The following TAX1BP1 variants were observed in gnomAD, a reference collection of about 807,000 sequenced individuals.
The protein encoded by TAX1BP1 is Tax1 binding protein 1.
A neutral mutation model predicts 97.7 loss-of-function variants in TAX1BP1; 62 were observed. The observed-to-expected ratio is 0.63, with a 90% CI of 0.52 to 0.78. The LOEUF is 0.78. TAX1BP1 is among the 30% of genes least tolerant of loss of function. TAX1BP1 has a pLI of 0.00. For synonymous variants in TAX1BP1, 340 were observed against 304.2 expected (o/e 1.12, Z -1.23); for missense variants, 867 against 916.1 (o/e 0.95, Z 0.69).
intron 4 of TAX1BP1, 39 bp downstream of exon 4, chr7:27,766,060 T>C (rs1199432251): frequency 1.3e-6 from 2 of 1,579,912 alleles, no homozygotes; most frequent in South Asian, 1.1e-5. Flanking sequence ...ATTGATAATT[T>C]TAAGAACAGA....
At chr7:27,744,317 G>A (rs1479998485) in intron 1 of TAX1BP1, among the ~76,000 whole-genome samples, 4 of 151,944 alleles carry the variant, frequency 2.6e-5, no homozygotes, top group Admixed American at 2.0e-4. Flanking sequence ...AGTAGAGATG[G>A]GTTTTCACCG....
intron 8 of TAX1BP1, among the ~76,000 whole-genome samples, chr7:27,789,980 A>G (rs760754520): frequency 6.6e-6 from 1 of 151,958 alleles, no homozygotes; most frequent in Non-Finnish European, 1.5e-5. Context: ...AAAAATGACT[A>G]CTAGTTGCTA....
chr7:27,788,868 C>G (rs1789591347), intron 8 of TAX1BP1, among the ~76,000 whole-genome samples: 1 of 151,940 alleles, frequency 6.6e-6, no homozygotes, highest in Non-Finnish European at 1.5e-5. Context: ...GAACTGGATC[C>G]TATTGCTACT....
chr7:27,804,011 A>AT (rs1036930140), intron 13 of TAX1BP1, among the ~76,000 whole-genome samples: 4 of 152,104 alleles, frequency 2.6e-5, no homozygotes, highest in East Asian at 1.9e-4. Flanking sequence ...ACAATTGATA[A>AT]TTTTTTTTGC....
Position 27,769,749 on chromosome 7 carries a change from C to G in TAX1BP1, c.527C>G (p.Ala176Gly). The change falls in exon 5 of 17, where the codon GCA (alanine) becomes GGA (glycine). Residue 176 changes from alanine to glycine, a missense_variant. By Grantham distance (60) the Ala-to-Gly change is moderately conservative. Coordinates refer to ENST00000396319, the MANE Select transcript of TAX1BP1 (RefSeq NM_006024.7). The part of the protein sequence containing the change: ...KLIAVLEKET[A>G]QLREQVGRME... ...ATTGCCGTTCTGGAAAAAGAAACAG[C>G]ACAACTTCGAGAACAAGTTGGGAGA... 1 of 1,612,498 alleles carries G rather than the reference C, an allele frequency of 6.2e-7. No homozygotes were observed. The highest frequency in any genetic ancestry group is 8.5e-7 in the Non-Finnish European group (1 of 1,179,056).
At chr7:27,768,051 C>G (rs1056419699) in intron 4 of TAX1BP1, among the ~76,000 whole-genome samples, 1 of 151,656 alleles carries the variant, frequency 6.6e-6, no homozygotes. Context: ...TAAAAAAAAA[C>G]TGGGGGGATA....
At chr7:27,817,664 A>G (rs1387249188) in intron 15 of TAX1BP1, among the ~76,000 whole-genome samples, 1 of 152,212 alleles carries the variant, frequency 6.6e-6, no homozygotes, top group Non-Finnish European at 1.5e-5. Context: ...TGTAAATTTT[A>G]TTTAAGAGAT....
Position 27,765,951 on chromosome 7 carries a change from A to G in TAX1BP1, c.383A>G (p.Glu128Gly), listed in dbSNP as rs1292715749. The G allele has an allele frequency of 1.2e-6, 2 of 1,614,048 alleles. No homozygotes were observed. Among genetic ancestry groups the G allele is most frequent in the African/African-American group, 2.7e-5 (2 of 74,914 alleles). The change falls in exon 4 of 17, where the codon GAG becomes GGG. Residue 128 changes from glutamate (E) to glycine (G), a missense_variant. Physicochemically the swap from Glu to Gly is moderately conservative, Grantham distance 98. Transcript: ENST00000396319. ...TTTCGAGCTTCTTCTCCAGTTGAAG[A>G]GCTGCTTACTATGGAAGATGAAGGA... ...FQFRASSPVE[E>G]LLTMEDEGNS...
At chr7:27,793,641 A>G (rs766055403) in intron 10 of TAX1BP1, among the ~76,000 whole-genome samples, 85 of 152,248 alleles carry the variant, frequency 5.6e-4, no homozygotes, top group Non-Finnish European at 9.7e-4. Flanking sequence ...TCCTATTCCT[A>G]TTAGATTAGG....
intron 1 of TAX1BP1, among the ~76,000 whole-genome samples, chr7:27,744,326 C>A (rs536699194): frequency 6.6e-6 from 1 of 152,120 alleles, no homozygotes; most frequent in South Asian, 2.1e-4. Flanking sequence ...GGGTTTTCAC[C>A]GTGTTAGCCA....
intron 2 of TAX1BP1, among the ~76,000 whole-genome samples, chr7:27,752,077 A>C (rs1182134645): frequency 2.0e-5 from 3 of 152,230 alleles, no homozygotes; most frequent in Admixed American, 2.0e-4. Flanking sequence ...GCTTAATCTT[A>C]TAGTGCTGAG....
chr7:27,757,679 AAAAT>A (rs1472706889), intron 2 of TAX1BP1, among the ~76,000 whole-genome samples: 7 of 152,128 alleles, frequency 4.6e-5, no homozygotes, highest in Admixed American at 2.6e-4. Context: ...TGGTCAATAA[AAAAT>A]AAATAACAAG....
At chr7:27,787,683 TCCC>T in intron 8 of TAX1BP1, 80 bp downstream of exon 8, 16 of 1,278,928 alleles carry the variant, frequency 1.3e-5, no homozygotes, top group Non-Finnish European at 1.7e-5. Context: ...CATTTTTAAT[TCCC>T]CCAAGCTTTT....
chr7:27,827,626 A>T (rs111785146), intron 15 of TAX1BP1, 112 bp from the exon 16 acceptor site: 5 of 803,200 alleles, frequency 6.2e-6, no homozygotes, highest in African/African-American at 3.5e-5. Context: ...GCAGAGAGAA[A>T]ATTTCCTGAA....
chr7:27,785,294 A>C lies in TAX1BP1; in HGVS notation c.744A>C (p.Lys248Asn). 1 of 1,609,210 alleles carries C rather than the reference A, an allele frequency of 6.2e-7. No homozygotes were observed. Among genetic ancestry groups the C allele is most frequent in the Non-Finnish European group, 8.5e-7 (1 of 1,178,478 alleles). The change falls in exon 6 of 17, where the codon AAA becomes AAC. Residue 248 changes from lysine (K) to asparagine (N), a missense_variant. Around this residue, in one of 3 missense-constraint regions of TAX1BP1, gnomAD observed 822 missense variants for 851.4 expected, o/e 0.97. Transcript: ENST00000396319. ...IVSVTHKAIE[K>N]ETELDSLKDK... ...CAGTAACACATAAAGCAATTGAAAA[A>C]GAAACCGAATTAGACAGGTATTTCT...
At chr7:27,788,877 C>T (rs999349159) in intron 8 of TAX1BP1, among the ~76,000 whole-genome samples, 1 of 151,948 alleles carries the variant, frequency 6.6e-6, no homozygotes, top group African/African-American at 2.4e-5. Context: ...CCTATTGCTA[C>T]TATGGGGCTG....
intron 5 of TAX1BP1, among the ~76,000 whole-genome samples, chr7:27,770,521 A>T (rs17155812): frequency 0.03 from 4,539 of 152,178 alleles, 211 homozygotes; most frequent in African/African-American, 0.1. Context: ...AGTCTCATGT[A>T]CAGTAGAGCC....
At chr7:27,759,475 T>C (rs1308432284) in intron 3 of TAX1BP1, among the ~76,000 whole-genome samples, 1 of 152,202 alleles carries the variant, frequency 6.6e-6, no homozygotes, top group Non-Finnish European at 1.5e-5. Context: ...AATAAAAATA[T>C]AATGTTTTTC....
At chr7:27,746,510 G>A (rs71539545) in intron 1 of TAX1BP1, among the ~76,000 whole-genome samples, 2 of 150,660 alleles carry the variant, frequency 1.3e-5, no homozygotes, top group South Asian at 4.2e-4. Flanking sequence ...AATTAGCTCA[G>A]ACAACTCAAA....
Sources: gnomAD v4.1 joint callset for allele counts (sites outside exome capture counted in the v4.1 genomes callset) on GRCh38, gnomAD v4.1.1 for gene constraint, gnomAD v4.1.1 regional missense constraint, MANE v1.5 for transcripts, NCBI Gene and HGNC (gene_info 2026-07-23, HGNC 2026-07-21) for gene names.